The following MPDZ variants were observed in gnomAD, a reference collection of about 807,000 sequenced individuals.
MPDZ encodes the protein multiple PDZ domain crumbs cell polarity complex component, also known as multiple PDZ domain protein.
Under a neutral mutation model 239.1 loss-of-function variants are expected in MPDZ, and 234 were observed. The observed-to-expected ratio is 0.98, with a 90% CI of 0.88 to 1.09. The LOEUF is 1.09. MPDZ is among the 50% of genes least tolerant of loss of function. The pLI is 0.00. For missense variants in MPDZ, 3,175 were observed against 2,510.0 expected (o/e 1.26, Z -5.66); for synonymous variants, 1,048 against 881.3 (o/e 1.19, Z -3.35).
chr9:13,106,909 C>T lies in MPDZ; in HGVS notation c.*56G>A. Reference sequence around the variant, plus strand: ...TAAAAATTGTCAGGACCAGTGCATTCTCTTTACAGTAGGAGGTGAGCTAGG... The same window carrying T: ...TAAAAATTGTCAGGACCAGTGCATTTTCTTTACAGTAGGAGGTGAGCTAGG... On this transcript the variant is annotated 3_prime_UTR_variant, in exon 47 of 47. Coordinates refer to ENST00000319217, the MANE Select transcript of MPDZ (RefSeq NM_001378778.1). 1.3e-6 allele frequency: 2 copies of T among 1,587,002 alleles called. No homozygotes were observed. Among genetic ancestry groups the T allele is most frequent in the East Asian group, 2.2e-5 (1 of 44,448 alleles).
chr9:13,255,028 A>G lies in MPDZ; in HGVS notation c.-57-4656T>C, dbSNP rs1443903845. Among the ~76,000 whole-genome samples, 3 of 152,220 alleles carry G rather than the reference A, an allele frequency of 2.0e-5. 1 individual carries two copies. Among genetic ancestry groups the G allele is most frequent in the Middle Eastern group, 6.3e-3 (2 of 316 alleles). ...TGTTTGACAGCATTTTACCCACAAT[A>G]GAACCTCTCAAATCCTGCTCCTACT... On this transcript the variant is annotated intron_variant, in intron 1 of 46. Transcript: ENST00000319217.
At chr9:13,126,937 A>C (rs1305110017) in intron 32 of MPDZ, among the ~76,000 whole-genome samples, 165 bp from the exon 33 acceptor site, 6 of 152,248 alleles carry the variant, frequency 3.9e-5, no homozygotes, top group African/African-American at 7.2e-5. Flanking sequence ...TTCTTAAACA[A>C]ACTTTCAAAT....
At chr9:13,143,362 G>A in intron 27 of MPDZ, 104 bp downstream of exon 27, 1 of 847,140 alleles carries the variant, frequency 1.2e-6, no homozygotes, top group Non-Finnish European at 1.9e-6. Context: ...TTTTTTCCCT[G>A]CCCAAATGTA....
intron 21 of MPDZ, among the ~76,000 whole-genome samples, chr9:13,171,329 G>C (rs2133994924): frequency 6.6e-6 from 1 of 152,266 alleles, no homozygotes. Flanking sequence ...TCAAAATGAA[G>C]CCTGTTAGTA....
At chr9:13,157,310 T>C (rs777670294) in intron 24 of MPDZ, among the ~76,000 whole-genome samples, 8 of 152,184 alleles carry the variant, frequency 5.3e-5, no homozygotes, top group Non-Finnish European at 1.2e-4. Flanking sequence ...AATTGTTTCA[T>C]GTGTCTCTAC....
intron 1 of MPDZ, among the ~76,000 whole-genome samples, chr9:13,251,452 CCT>C (rs1307805610): frequency 1.3e-5 from 2 of 152,270 alleles, no homozygotes; most frequent in East Asian, 3.9e-4. Flanking sequence ...CCATCTTGAG[CCT>C]TTGCTGCCGA....
At chr9:13,263,579 TCA>T (rs1284298491) in intron 1 of MPDZ, among the ~76,000 whole-genome samples, 1 of 152,216 alleles carries the variant, frequency 6.6e-6, no homozygotes, top group Non-Finnish European at 1.5e-5. Flanking sequence ...AGAATCATTT[TCA>T]GTTTTACTAT....
chr9:13,176,529 A>C (rs1246430226), intron 19 of MPDZ, 112 bp from the exon 20 acceptor site: 27 of 916,266 alleles, frequency 2.9e-5, no homozygotes, highest in Non-Finnish European at 3.8e-5. Context: ...AAAACATAAC[A>C]ATTATTTATT....
chr9:13,118,140 G>C (rs1051075635), intron 39 of MPDZ, among the ~76,000 whole-genome samples: 3 of 152,042 alleles, frequency 2.0e-5, no homozygotes, highest in African/African-American at 7.2e-5. Context: ...CACCACACCT[G>C]GTGAGACTAG....
chr9:13,119,458 T>C (rs768032596), intron 39 of MPDZ, 44 bp downstream of exon 39: 6 of 1,566,878 alleles, frequency 3.8e-6, no homozygotes, highest in Non-Finnish European at 5.2e-6. Flanking sequence ...AATTATCTTT[T>C]TTCTTCTACG....
chr9:13,275,806 T>G (rs534485015), intron 1 of MPDZ, among the ~76,000 whole-genome samples: 8 of 152,288 alleles, frequency 5.3e-5, no homozygotes, highest in Admixed American at 1.3e-4. Context: ...AAATCCTCTA[T>G]TCCACTCCAG....
intron 1 of MPDZ, among the ~76,000 whole-genome samples, chr9:13,266,246 G>C (rs1246422509): frequency 2.0e-5 from 3 of 152,206 alleles, no homozygotes. Flanking sequence ...ACTCAGGAAA[G>C]AGCAGGCTCA....
At chr9:13,210,148 C>A (rs1957451460) in intron 10 of MPDZ, among the ~76,000 whole-genome samples, 1 of 150,626 alleles carries the variant, frequency 6.6e-6, no homozygotes, top group African/African-American at 2.4e-5. Context: ...GAAAAAAGAT[C>A]TACCAGCCTC....
chr9:13,118,190 T>C (rs1327346831), intron 39 of MPDZ, among the ~76,000 whole-genome samples: 3 of 152,216 alleles, frequency 2.0e-5, no homozygotes, highest in Non-Finnish European at 2.9e-5. Context: ...TACATTGTTT[T>C]ATGGATGCTT....
intron 3 of MPDZ, among the ~76,000 whole-genome samples, 178 bp from the exon 4 acceptor site, chr9:13,224,761 T>A (rs992982064): frequency 6.6e-6 from 1 of 152,126 alleles, no homozygotes; most frequent in East Asian, 1.9e-4. Context: ...TACACAAAGA[T>A]GTGTGTGCAT....
chr9:13,134,141 G>A, intron 31 of MPDZ: 1 of 185,264 alleles, frequency 5.4e-6, no homozygotes, highest in Non-Finnish European at 1.1e-5. Context: ...TACTTACGAG[G>A]TGTAACTGGA....
intron 31 of MPDZ, chr9:13,134,557 C>A (rs1946467215): frequency 6.6e-6 from 1 of 152,074 alleles, no homozygotes. Flanking sequence ...CCTACAGGTA[C>A]CCCCACTGAT....
rs948732269 is a variant in MPDZ, at chr9:13,138,017, A to C, written c.4140T>G (p.Ile1380Met). Residue 1380 changes from isoleucine (I) to methionine (M), a missense_variant, in exon 29 of 47, where the codon ATT becomes ATG. By Grantham distance (10) the Ile-to-Met change is conservative (BLOSUM62 1). Coordinates refer to ENST00000319217, the MANE Select transcript of MPDZ (RefSeq NM_001378778.1). ...RSRMSVFIVGIDPNGAAGKDG... is the reference protein window; with the variant it reads ...RSRMSVFIVGMDPNGAAGKDG... The stretch of plus-strand genomic sequence containing the variant: ...CTTTTCCTGCAGCTCCATTTGGATC[A>C]ATCCCCACTATGAAGACACTCATCC... The C allele has an allele frequency of 1.9e-6, 3 of 1,613,758 alleles. No individual in the cohort carries two copies. The highest frequency in any genetic ancestry group is 2.7e-5 in the African/African-American group (2 of 74,928).
At chr9:13,193,952 T>C (rs531115661) in intron 13 of MPDZ, among the ~76,000 whole-genome samples, 1 of 152,216 alleles carries the variant, frequency 6.6e-6, no homozygotes, top group African/African-American at 2.4e-5. Context: ...AAAAGAGCTC[T>C]TTCAAATTTT....
Sources: gnomAD v4.1 joint callset for allele counts (sites outside exome capture counted in the v4.1 genomes callset) on GRCh38, gnomAD v4.1.1 for gene constraint, MANE v1.5 for transcripts, NCBI Gene and HGNC (gene_info 2026-07-23, HGNC 2026-07-21) for gene names.